The following NCAPD3 variants were observed in gnomAD, a reference collection of about 807,000 sequenced individuals.
NCAPD3 encodes the protein condensin-2 complex subunit D3.
In NCAPD3, 105 loss-of-function variants were observed where a neutral mutation model predicts 182.9. The ratio of observed to expected loss-of-function variants is 0.57; its 90% CI spans 0.49 to 0.68. NCAPD3 has a LOEUF of 0.68. Among genes scored for constraint, NCAPD3 ranks in the 30% least tolerant of loss-of-function variants. NCAPD3 has a pLI of 0.00. For synonymous variants in NCAPD3, 815 were observed against 679.9 expected (o/e 1.20, Z -3.09); for missense variants, 1,944 against 1,837.0 (o/e 1.06, Z -1.07).
chr11:134,176,290 G>C lies in NCAPD3; in HGVS notation c.3101+17C>G, dbSNP rs749006491. 6.2e-7 allele frequency: 1 copy of C among 1,607,486 alleles called. No homozygotes were observed. The highest frequency in any genetic ancestry group is 1.3e-5 in the African/African-American group (1 of 74,792). ...GAGGTAAACTGTTGAGTCGTCTGAC[G>C]TGAGGAAAAGATTTACCTGGCAATG... On this transcript the variant is annotated intron_variant, in intron 24 of 34. Transcript: ENST00000534548.
intron 8 of NCAPD3, 80 bp from the exon 9 acceptor site, chr11:134,205,051 A>C: frequency 9.4e-7 from 1 of 1,065,826 alleles, no homozygotes; most frequent in Non-Finnish European, 1.4e-6. Context: ...TATATTTAGA[A>C]ATCCTAGTTA....
chr11:134,153,022 C>A lies in NCAPD3; in HGVS notation c.4419G>T (p.Arg1473=), dbSNP rs201709359. Residue 1473 remains arginine, a synonymous_variant, in exon 35 of 35, where the codon CGG becomes CGT. Transcript: ENST00000534548. ...GAGTGTCTTTATTCCTGGCGGGAGACCGCACATTCCACTGCTGAGGCTGTG... is the reference window on the plus strand; with the variant it reads ...GAGTGTCTTTATTCCTGGCGGGAGAACGCACATTCCACTGCTGAGGCTGTG... ...PPPQPQQWNV[R]SPARNKDTPA... The A allele has an allele frequency of 2.0e-5, 32 of 1,595,428 alleles. No homozygotes were observed. The African/African-American group carries it at 3.2e-4, about 16-fold the overall frequency.
intron 27 of NCAPD3, among the ~76,000 whole-genome samples, chr11:134,164,707 G>C (rs1340081648): frequency 2.0e-5 from 3 of 150,768 alleles, no homozygotes; most frequent in African/African-American, 7.3e-5. Flanking sequence ...GCTTAGGGGA[G>C]CTGTACACTC....
At chr11:134,222,736 T>C (rs1019722331) in intron 1 of NCAPD3, among the ~76,000 whole-genome samples, 3 of 152,188 alleles carry the variant, frequency 2.0e-5, no homozygotes, top group Non-Finnish European at 4.4e-5. Flanking sequence ...TGTAAGAGTT[T>C]TGCCAGGCAA....
chr11:134,173,227 T>C lies in NCAPD3; in HGVS notation c.3101+3080A>G, dbSNP rs1438538297. 3 of 153,214 alleles carry C rather than the reference T, an allele frequency of 2.0e-5. No individual in the cohort carries two copies. In the East Asian group the frequency reaches 5.8e-4, roughly 30 times the overall value. The allele number at this position is 153,214 out of a possible 1,614,324, so 9.5% of individuals were successfully genotyped here. A position where few individuals can be genotyped will look rare whatever the true frequency, so the allele number is the denominator to read the frequency against. The stretch of plus-strand genomic sequence containing the variant: ...GGCCCCCAACCTCATAGCTGTTCAG[T>C]AGGGGGCTGCTGAGGAGGTGCTCAA... On this transcript the variant is annotated intron_variant, in intron 24 of 34. Transcript: ENST00000534548.
At position 134,202,876 on chromosome 11, in the gene NCAPD3, G is replaced by A. The variant is rs760447336; in HGVS notation, c.1555C>T (p.Arg519Cys). The change falls in exon 13 of 35, where the codon CGT (arginine) becomes TGT (cysteine). Residue 519 changes from arginine (R) to cysteine (C), a missense_variant. Transcript: ENST00000534548. The stretch of plus-strand genomic sequence containing the variant: ...TTGATCTCCCCTGAGGGTTCGGAAC[G>A]GTTAGATGTCTGCCTTTGGTAGGAA... ...AFSYQRQTSN[R>C]SEPSGEINID... 2.9e-5 allele frequency: 46 copies of A among 1,606,138 alleles called. No homozygotes were observed. Among genetic ancestry groups the A allele is most frequent in the Middle Eastern group, 3.3e-4 (2 of 6,010 alleles).
chr11:134,180,531 C>T (rs941413970), intron 20 of NCAPD3, among the ~76,000 whole-genome samples: 1 of 152,136 alleles, frequency 6.6e-6, no homozygotes, highest in Non-Finnish European at 1.5e-5. Flanking sequence ...GAATTTCTTG[C>T]ACCGTTTACA....
chr11:134,180,308 A>C (rs1944267921), intron 20 of NCAPD3, among the ~76,000 whole-genome samples: 1 of 152,126 alleles, frequency 6.6e-6, no homozygotes, highest in Non-Finnish European at 1.5e-5. Flanking sequence ...AACAAGCAGA[A>C]ACTGAACACA....
At chr11:134,193,244 C>T (rs1944560793) in intron 15 of NCAPD3, among the ~76,000 whole-genome samples, 1 of 152,104 alleles carries the variant, frequency 6.6e-6, no homozygotes, top group Non-Finnish European at 1.5e-5. Flanking sequence ...ATATGCATTG[C>T]TTAATGCCTT....
Position 134,192,778 on chromosome 11 carries a change from C to T in NCAPD3, c.1956G>A (p.Arg652=). The T allele has an allele frequency of 6.2e-7, 1 of 1,614,226 alleles. No individual in the cohort carries two copies. The highest frequency in any genetic ancestry group is 8.5e-7 in the Non-Finnish European group (1 of 1,180,042). Reference sequence around the variant, plus strand: ...CCCCAGAGTGAAAATGACTGTGATGCCGGATGTTCTGCAGCAGCAGCTGGT... The same window carrying T: ...CCCCAGAGTGAAAATGACTGTGATGTCGGATGTTCTGCAGCAGCAGCTGGT... ...FLDQLLLQNI[R]HHSHFHSGDD... is the part of the protein sequence containing the mutation. The change falls in exon 16 of 35, where the codon CGG becomes CGA. Residue 652 remains arginine (R), a synonymous_variant. Coordinates refer to ENST00000534548, the MANE Select transcript of NCAPD3 (RefSeq NM_015261.3).
intron 1 of NCAPD3, among the ~76,000 whole-genome samples, chr11:134,221,352 CTTTTCT>C (rs1438728531): frequency 7.0e-6 from 1 of 142,700 alleles, no homozygotes; most frequent in Non-Finnish European, 1.6e-5. Flanking sequence ...TCTTCCCATT[CTTTTCT>C]TTTTCTTTTT....
At chr11:134,170,457 C>G (rs1943980152) in intron 24 of NCAPD3, among the ~76,000 whole-genome samples, 1 of 152,150 alleles carries the variant, frequency 6.6e-6, no homozygotes, top group African/African-American at 2.4e-5. Context: ...AACCACTAAA[C>G]AAACAAGGAT....
intron 13 of NCAPD3, 55 bp downstream of exon 13, chr11:134,202,761 G>A (rs904516670): frequency 1.4e-5 from 18 of 1,326,494 alleles, no homozygotes; most frequent in South Asian, 7.9e-5. Flanking sequence ...CTCTACTTAC[G>A]GTTGTCTGAA....
At chr11:134,201,972 C>T (rs1421152597) in intron 13 of NCAPD3, among the ~76,000 whole-genome samples, 3 of 152,276 alleles carry the variant, frequency 2.0e-5, no homozygotes, top group Admixed American at 6.5e-5. Context: ...CTGTGCATCT[C>T]GGCACCTATC....
In NCAPD3 at chr11:134,168,899, C is replaced by A. The variant is rs751694821; in HGVS notation, c.3239+18G>T. 24 of 1,608,266 alleles carry A rather than the reference C, an allele frequency of 1.5e-5. 1 individual carries two copies. ...CTTACCCAGATACAAGGAGACCAGACTTAGCTGCTTCACTGACCTCTCTGA... is the reference window on the plus strand; with the variant it reads ...CTTACCCAGATACAAGGAGACCAGAATTAGCTGCTTCACTGACCTCTCTGA... On this transcript the variant is annotated intron_variant, in intron 25 of 34. Transcript: ENST00000534548.
At chr11:134,210,024 C>A (rs995711472) in intron 4 of NCAPD3, among the ~76,000 whole-genome samples, 1 of 151,870 alleles carries the variant, frequency 6.6e-6, no homozygotes, top group East Asian at 1.9e-4. Context: ...CCACTGCACT[C>A]CAACCTGGGC....
upstream of NCAPD3, chr11:134,224,461 G>A (rs974982820): frequency 6.4e-6 from 1 of 157,036 alleles, no homozygotes; most frequent in African/African-American, 2.4e-5. Flanking sequence ...CAGTTCTGTA[G>A]GGACTGCGCG....
chr11:134,184,731 T>C lies in NCAPD3; in HGVS notation c.2357A>G (p.Asn786Ser). 2 of 1,613,644 alleles carry C rather than the reference T, an allele frequency of 1.2e-6. No individual in the cohort carries two copies. The highest frequency in any genetic ancestry group is 1.7e-6 in the Non-Finnish European group (2 of 1,179,902). Residue 786 changes from asparagine (N) to serine (S), a missense_variant, in exon 19 of 35, where the codon AAT becomes AGT. Coordinates refer to ENST00000534548, the MANE Select transcript of NCAPD3 (RefSeq NM_015261.3). Reference sequence around the variant, plus strand: ...CACCTCTAGAGACCACTGAAATCCATTCAGCTTACACTTGACAGCATCTAT... The same window carrying C: ...CACCTCTAGAGACCACTGAAATCCACTCAGCTTACACTTGACAGCATCTAT... Reference protein sequence around the residue: ...KVTDAVKCKLNGFQWSLEVIS... With the variant: ...KVTDAVKCKLSGFQWSLEVIS...
chr11:134,167,162 G>A (rs79615133), intron 27 of NCAPD3, among the ~76,000 whole-genome samples: 20 of 95,428 alleles, frequency 2.1e-4, no homozygotes, highest in South Asian at 4.2e-4. Flanking sequence ...CACTAGTGAG[G>A]TGAGCTTGGG....
Sources: allele counts gnomAD v4.1 joint callset (sites outside exome capture counted in the v4.1 genomes callset), GRCh38; gene constraint gnomAD v4.1.1; transcripts MANE v1.5; gene names NCBI Gene and HGNC (gene_info 2026-07-23, HGNC 2026-07-21).